The following TMC3 variants were observed in gnomAD, a reference collection of about 807,000 sequenced individuals.
TMC3 encodes transmembrane channel-like protein 3.
A neutral mutation model predicts 110.6 loss-of-function variants in TMC3; 98 were observed. The ratio of observed to expected loss-of-function variants is 0.89; its 90% confidence interval spans 0.75 to 1.05. The LOEUF (loss-of-function observed/expected upper bound fraction) is 1.05. TMC3 is among the 50% of genes least tolerant of loss of function. The pLI is 0.00. For synonymous variants in TMC3, 489 were observed against 513.1 expected, an observed-to-expected ratio of 0.95 and a Z score of 0.63; for missense variants, 1,319 against 1,373.2, an observed-to-expected ratio of 0.96 and a Z score of 0.62.
chr15:81,362,174 C>A lies in TMC3; in HGVS notation c.394+46G>T, dbSNP rs557303571. The A allele has an allele frequency of 3.3e-6, 5 of 1,513,046 alleles. No individual in the cohort carries two copies. The East Asian group carries it at 1.2e-4, about 36-fold the overall frequency. 93.7% of individuals were successfully genotyped at this position (1,513,046 alleles called of 1,614,324 possible). A position where few individuals can be genotyped will look rare whatever the true frequency, so the allele number is the denominator to read the frequency against. On this transcript the variant is annotated intron_variant, in intron 4 of 21. Coordinates refer to ENST00000359440, the MANE Select transcript of TMC3 (RefSeq NM_001080532.3). ...AGACTCTCCTTAGGCTGTGACTGGCCACTAGCATTGCATTCCTGCCCCACT... is the reference window on the plus strand; with the variant it reads ...AGACTCTCCTTAGGCTGTGACTGGCAACTAGCATTGCATTCCTGCCCCACT...
chr15:81,338,618 C>A, intron 18 of TMC3, 37 bp downstream of exon 18: 1 of 1,598,880 alleles, frequency 6.3e-7, no homozygotes, highest in Non-Finnish European at 8.5e-7. Context: ...GCCAAACACA[C>A]AGAAGTCCCT....
chr15:81,345,277 C>G (rs1346700172), intron 12 of TMC3, among the ~76,000 whole-genome samples: 1 of 151,796 alleles, frequency 6.6e-6, no homozygotes, highest in African/African-American at 2.4e-5. Context: ...TCTACTTATC[C>G]TCACAAGAGC....
At chr15:81,359,326 C>T (rs780277391) in intron 5 of TMC3, 39 bp downstream of exon 5, 38 of 1,431,360 alleles carry the variant, frequency 2.7e-5, no homozygotes, top group Admixed American at 2.4e-4. Context: ...TGTAATGTCT[C>T]CTCTTTGTAA....
At chr15:81,355,656 G>T (rs1894043693) in intron 9 of TMC3, 69 bp downstream of exon 9, 4 of 965,864 alleles carry the variant, frequency 4.1e-6, no homozygotes, top group Non-Finnish European at 6.6e-6. Flanking sequence ...TAGATGATCT[G>T]GTAGTTTTTG....
In TMC3 at chr15:81,349,511, A is replaced by C. The variant is rs751373992; in HGVS notation, c.1140T>G (p.Ile380Met). 23 of 1,563,356 alleles carry C rather than the reference A, an allele frequency of 1.5e-5. No individual in the cohort carries two copies. The highest frequency in any genetic ancestry group is 1.9e-5 in the Non-Finnish European group (22 of 1,153,470). Residue 380 changes from isoleucine (I) to methionine (M), a missense_variant, in exon 11 of 22, where the codon ATT (isoleucine) becomes ATG (methionine). Transcript: ENST00000359440. Reference sequence around the variant, plus strand: ...TGGGGTGGTACATCTCTAAGGCAGCAATGAGGTCAAAGGCTGATGGTGCTA... The same window carrying C: ...TGGGGTGGTACATCTCTAAGGCAGCCATGAGGTCAAAGGCTGATGGTGCTA... The part of the protein sequence containing the change: ...TMIAPSAFDL[I>M]AALEMYHPRT...
intron 2 of TMC3, among the ~76,000 whole-genome samples, 182 bp from the exon 3 acceptor site, chr15:81,368,510 C>T (rs1328962045): frequency 3.3e-5 from 5 of 151,484 alleles, no homozygotes; most frequent in African/African-American, 7.3e-5. Context: ...AATCAGAAAA[C>T]ACCTTAAAAT....
intron 15 of TMC3, among the ~76,000 whole-genome samples, chr15:81,341,902 A>C (rs891591332): frequency 6.6e-6 from 1 of 152,218 alleles, no homozygotes; most frequent in East Asian, 1.9e-4. Context: ...AGGTTTAATC[A>C]ACATATTTTG....
chr15:81,347,080 G>A (rs1893843222), intron 11 of TMC3, among the ~76,000 whole-genome samples: 1 of 152,176 alleles, frequency 6.6e-6, no homozygotes, highest in Admixed American at 6.5e-5. Flanking sequence ...AAGACTTGAT[G>A]TCAGTTTCCC....
chr15:81,368,414 T>C, intron 2 of TMC3, 86 bp from the exon 3 acceptor site: 1 of 990,506 alleles, frequency 1.0e-6, no homozygotes, highest in Non-Finnish European at 1.6e-6. Flanking sequence ...CAGGAATAGG[T>C]TGCCATCTTG....
intron 12 of TMC3, 132 bp downstream of exon 12, chr15:81,346,233 G>A: frequency 1.2e-6 from 1 of 841,746 alleles, no homozygotes; most frequent in South Asian, 1.6e-5. Flanking sequence ...CTCCAGCAAA[G>A]TCAAGTTTTG....
rs765246289 is a variant in TMC3, at chr15:81,372,568, A to T, written c.236+23T>A. 8 of 1,612,556 alleles carry T rather than the reference A, an allele frequency of 5.0e-6. No homozygotes were observed. The African/African-American group carries it at 1.1e-4, about 22-fold the overall frequency. On this transcript the variant is annotated intron_variant, in intron 2 of 21. Transcript: ENST00000359440. ...TCGGAAAGCATGCTTGTAATGATCA[A>T]TAATGGCCATTGAGGCCCTTACCTC... is the stretch of plus-strand genomic sequence containing the variant.
chr15:81,337,257 G>A (rs1356038064), intron 19 of TMC3, among the ~76,000 whole-genome samples: 2 of 152,058 alleles, frequency 1.3e-5, no homozygotes, highest in Admixed American at 6.6e-5. Flanking sequence ...CCCAGTCTTG[G>A]GATCCTTCCT....
At chr15:81,372,513 T>A in intron 2 of TMC3, 78 bp downstream of exon 2, 1 of 1,575,590 alleles carries the variant, frequency 6.3e-7, no homozygotes, top group Non-Finnish European at 8.7e-7. Flanking sequence ...GTCTTTATCC[T>A]CGTTCCCATG....
intron 2 of TMC3, among the ~76,000 whole-genome samples, chr15:81,369,505 G>A (rs780122555): frequency 1.3e-5 from 2 of 152,150 alleles, no homozygotes; most frequent in Non-Finnish European, 2.9e-5. Context: ...AAAAGTAAAA[G>A]CCTATTGAAG....
chr15:81,360,567 A>T (rs1297229612), intron 4 of TMC3, among the ~76,000 whole-genome samples: 1 of 152,086 alleles, frequency 6.6e-6, no homozygotes, highest in Non-Finnish European at 1.5e-5. Flanking sequence ...GCTACAGGTG[A>T]TTCGTTGAGG....
In TMC3 at chr15:81,351,685, A is replaced by G. The variant is rs1225894884; in HGVS notation, c.1083+9T>C. On this transcript the variant is annotated intron_variant, in intron 10 of 21. Transcript: ENST00000359440. ...TTTCTAGGGTGCTGCAGGTAATGGC[A>G]GTGGGTACCTCATTCTTTTCCCAAA... 5 of 1,552,412 alleles carry G rather than the reference A, an allele frequency of 3.2e-6. No individual in the cohort carries two copies. The highest frequency in any genetic ancestry group is 4.4e-6 in the Non-Finnish European group (5 of 1,147,316).
chr15:81,346,464 T>A, intron 11 of TMC3, 21 bp from the exon 12 acceptor site: 1 of 1,610,806 alleles, frequency 6.2e-7, no homozygotes, highest in Non-Finnish European at 8.5e-7. Context: ...CAAGCCCACC[T>A]TGAGAAACAA....
rs917851895 is a variant in TMC3, at chr15:81,332,146, G to A, written c.*273C>T. The A allele has an allele frequency of 3.2e-5, 12 of 371,886 alleles. No homozygotes were observed. Among genetic ancestry groups the A allele is most frequent in the Non-Finnish European group, 4.8e-5 (10 of 207,998 alleles). The allele number at this position is 371,886 out of a possible 1,614,324, so 23.0% of individuals were successfully genotyped here. A position where few individuals can be genotyped will look rare whatever the true frequency, so the allele number is the denominator to read the frequency against. ...CCTCTGCCAAATTCTTTCTTCCGAG[G>A]AGGCAAGTATTGAGATTGCTGCAGA... On this transcript the variant is annotated 3_prime_UTR_variant, in exon 22 of 22. Coordinates refer to ENST00000359440, the MANE Select transcript of TMC3 (RefSeq NM_001080532.3).
rs369680336 is a variant in TMC3 at position 81,341,486 on chromosome 15, G to A, written c.1748C>T (p.Ala583Val). The change falls in exon 16 of 22, where the codon GCG becomes GTG. Residue 583 changes from alanine (A) to valine (V), a missense_variant. Coordinates refer to ENST00000359440, the MANE Select transcript of TMC3 (RefSeq NM_001080532.3). Reference sequence around the variant, plus strand: ...CCCAATGAGTTTGAGAACGTTGAACGCTGGGAGACATGGGGAGAAGAAGGC... The same window carrying A: ...CCCAATGAGTTTGAGAACGTTGAACACTGGGAGACATGGGGAGAAGAAGGC... ...MGAFFSPCLP[A>V]FNVLKLIGLM... The A allele has an allele frequency of 1.6e-5, 25 of 1,610,972 alleles. No individual in the cohort carries two copies. The Admixed American group carries it at 2.0e-4, about 13-fold the overall frequency.
Sources: allele counts gnomAD v4.1 joint callset (sites outside exome capture counted in the v4.1 genomes callset), GRCh38; gene constraint gnomAD v4.1.1; transcripts MANE v1.5; gene names NCBI Gene and HGNC (gene_info 2026-07-23, HGNC 2026-07-21).